The following STAU1 variants were observed in gnomAD, a reference collection of about 807,000 sequenced individuals.
STAU1 encodes the protein staufen double-stranded RNA binding protein 1.
A neutral mutation model predicts 62.9 loss-of-function variants in STAU1; 13 were observed. That is an observed-to-expected ratio of 0.21 (90% CI 0.13 to 0.33). The LOEUF (loss-of-function observed/expected upper bound fraction) is 0.33. Among genes scored for constraint, STAU1 ranks in the 10% least tolerant of loss-of-function variants. The pLI is 1.00. For missense variants in STAU1, 571 were observed against 712.1 expected (o/e 0.80, Z 2.25); for synonymous variants, 269 against 265.1 (o/e 1.01, Z -0.14).
intron 4 of STAU1, among the ~76,000 whole-genome samples, chr20:49,152,873 T>A (rs1466788010): frequency 6.6e-6 from 1 of 152,150 alleles, no homozygotes; most frequent in African/African-American, 2.4e-5. Flanking sequence ...TTACAAGGGT[T>A]ATCTTTAGCC....
intron 6 of STAU1, among the ~76,000 whole-genome samples, chr20:49,130,760 G>A (rs2092731457): frequency 6.6e-6 from 1 of 152,144 alleles, no homozygotes; most frequent in Admixed American, 6.5e-5. Flanking sequence ...CCTGAGGGGT[G>A]GGTGTGGTGG....
the STAU1 span, among the ~76,000 whole-genome samples, chr20:49,210,673 A>G: frequency 6.6e-6 from 1 of 152,210 alleles, no homozygotes; most frequent in Non-Finnish European, 1.5e-5. Flanking sequence ...AGGCTTATGT[A>G]ATCAAGTCTG....
the STAU1 span, among the ~76,000 whole-genome samples, chr20:49,212,704 A>C: frequency 2.8e-5 from 4 of 143,572 alleles, no homozygotes; most frequent in Non-Finnish European, 6.0e-5. Flanking sequence ...CCACCTCCCA[A>C]GTTCAAGCAA....
intron 6 of STAU1, among the ~76,000 whole-genome samples, chr20:49,131,829 T>C (rs1466547973): frequency 7.3e-6 from 1 of 136,582 alleles, no homozygotes; most frequent in Non-Finnish European, 1.6e-5. Context: ...GGCAACAGAG[T>C]TAGGCTCCGT....
At chr20:49,157,000 C>T (rs1188685699) in intron 3 of STAU1, among the ~76,000 whole-genome samples, 1 of 151,984 alleles carries the variant, frequency 6.6e-6, no homozygotes, top group African/African-American at 2.4e-5. Flanking sequence ...CCTCAGTCTC[C>T]CGAGTAGCTG....
At chr20:49,187,444 G>A (rs1917551457) in intron 1 of STAU1, among the ~76,000 whole-genome samples, 1 of 152,136 alleles carries the variant, frequency 6.6e-6, no homozygotes, top group Admixed American at 6.5e-5. Context: ...AAACGGATAG[G>A]TAGGTCAACT....
the STAU1 span, among the ~76,000 whole-genome samples, chr20:49,213,153 A>G: frequency 6.6e-6 from 1 of 151,864 alleles, no homozygotes; most frequent in Non-Finnish European, 1.5e-5. Flanking sequence ...TTATAGGCGC[A>G]CACTACCATG....
chr20:49,153,251 G>GGA (rs1379385445), intron 4 of STAU1, among the ~76,000 whole-genome samples: 8 of 99,076 alleles, frequency 8.1e-5, no homozygotes, highest in African/African-American at 2.8e-4. Flanking sequence ...CTCCGTCTCA[G>GGA]AAAAAAAAAA....
chr20:49,193,671 C>T, the STAU1 span, among the ~76,000 whole-genome samples: 2 of 87,432 alleles, frequency 2.3e-5, no homozygotes, highest in Non-Finnish European at 4.7e-5. Context: ...CGCAAGAATC[C>T]GTCTCAAAAA....
At position 49,175,195 on chromosome 20, in the gene STAU1, G is replaced by A. The variant is rs1441795497; in HGVS notation, c.-159-926C>T. On this transcript the variant is annotated intron_variant, in intron 1 of 13. Transcript: ENST00000371856. ...ATAATACAAAAATTAGCCAGGCATG[G>A]TGGCGCAGGCCTGTAATCCCAGCTA... is the stretch of plus-strand genomic sequence containing the variant. Among the ~76,000 whole-genome samples the A allele has an allele frequency of 2.0e-5, 3 of 151,186 alleles. No homozygotes were observed. In the South Asian group the frequency reaches 6.2e-4, roughly 31 times the overall value.
chr20:49,136,889 G>A (rs191129864), intron 5 of STAU1, among the ~76,000 whole-genome samples: 1 of 152,048 alleles, frequency 6.6e-6, no homozygotes, highest in African/African-American at 2.4e-5. Flanking sequence ...GTAGATACGG[G>A]GTTTCACCAT....
chr20:49,160,354 G>A (rs1276924683), intron 3 of STAU1, among the ~76,000 whole-genome samples: 1 of 152,176 alleles, frequency 6.6e-6, no homozygotes, highest in African/African-American at 2.4e-5. Context: ...GGAAAATGAG[G>A]CAAAATGAGA....
At chr20:49,126,593 A>ACAAAACAAAACAAAAAAAAAAC (rs1568835815) in intron 6 of STAU1, among the ~76,000 whole-genome samples, 2 of 139,154 alleles carry the variant, frequency 1.4e-5, no homozygotes, top group African/African-American at 5.1e-5. Context: ...AAAAACAAAA[A>ACAAAACAAAACAAAAAAAAAAC]AAAAACAAAA....
chr20:49,116,709 C>A (rs2092334458), intron 12 of STAU1, among the ~76,000 whole-genome samples: 1 of 152,272 alleles, frequency 6.6e-6, no homozygotes, highest in Non-Finnish European at 1.5e-5. Context: ...ATTTGTTGAT[C>A]TGATCAATTC....
intron 2 of STAU1, among the ~76,000 whole-genome samples, chr20:49,171,577 G>T (rs1036141248): frequency 6.6e-6 from 1 of 152,096 alleles, no homozygotes; most frequent in Non-Finnish European, 1.5e-5. Context: ...GTGAGCCACC[G>T]CACCCAGCCT....
intron 1 of STAU1, among the ~76,000 whole-genome samples, chr20:49,182,357 G>A (rs745571576): frequency 6.6e-6 from 1 of 152,116 alleles, no homozygotes; most frequent in African/African-American, 2.4e-5. Flanking sequence ...CTGCAGTAAG[G>A]TTTTCTAGTT....
intron 6 of STAU1, among the ~76,000 whole-genome samples, chr20:49,125,823 A>G (rs1221848267): frequency 1.3e-5 from 2 of 152,002 alleles, no homozygotes; most frequent in African/African-American, 4.8e-5. Context: ...AGCCTGGGTG[A>G]CAGAGTGGGA....
chr20:49,204,516 G>A, the STAU1 span, among the ~76,000 whole-genome samples: 1 of 145,372 alleles, frequency 6.9e-6, no homozygotes, highest in Non-Finnish European at 1.5e-5. Flanking sequence ...TTAGGTTGGT[G>A]TCCTTTGTTG....
At chr20:49,141,366 T>A (rs1214851689) in intron 5 of STAU1, among the ~76,000 whole-genome samples, 1 of 152,044 alleles carries the variant, frequency 6.6e-6, no homozygotes, top group Non-Finnish European at 1.5e-5. Context: ...AGATGGATGG[T>A]TTGTTTGAAG....
Sources: allele counts gnomAD v4.1 joint callset (sites outside exome capture counted in the v4.1 genomes callset), GRCh38; gene constraint gnomAD v4.1.1; transcripts MANE v1.5; gene names NCBI Gene and HGNC (gene_info 2026-07-23, HGNC 2026-07-21).